Variants in GPC5 observed in about 807,000 individuals in gnomAD.
GPC5 encodes glypican 5.
Under a neutral mutation model 53.9 loss-of-function variants are expected in GPC5, and 47 were observed. That is an observed-to-expected ratio of 0.87 (90% confidence interval 0.69 to 1.11). The LOEUF is 1.11. Ranked by LOEUF, GPC5 falls within the 50% of genes most tolerant of loss-of-function variation. The probability of loss-of-function intolerance (pLI) is 0.00; values close to 1 mark genes in which losing one functional copy is unlikely to be tolerated. For missense variants in GPC5, 748 were observed against 713.1 expected (o/e 1.05, Z -0.56); for synonymous variants, 286 against 263.3 (o/e 1.09, Z -0.84).
chr13:92,268,302 T>C (rs1439539472), intron 7 of GPC5, among the ~76,000 whole-genome samples: 1 of 151,990 alleles, frequency 6.6e-6, no homozygotes, highest in Non-Finnish European at 1.5e-5. Flanking sequence ...ATATATAAAG[T>C]ACAAATTATT....
chr13:91,746,426 C>T (rs1230926085), intron 4 of GPC5, among the ~76,000 whole-genome samples: 1 of 152,000 alleles, frequency 6.6e-6, no homozygotes, highest in African/African-American at 2.4e-5. Context: ...AAATAAGATC[C>T]TTCTTGGATA....
intron 2 of GPC5, among the ~76,000 whole-genome samples, chr13:91,591,146 G>A (rs564250203): frequency 2.0e-5 from 3 of 152,178 alleles, no homozygotes; most frequent in South Asian, 2.1e-4. Flanking sequence ...ATGTTCTTTC[G>A]GTCAACCTTC....
intron 6 of GPC5, among the ~76,000 whole-genome samples, chr13:91,971,381 C>T (rs181822793): frequency 0.014 from 2,167 of 151,888 alleles, 45 homozygotes; most frequent in African/African-American, 0.05. Flanking sequence ...GTCTTGCTAG[C>T]GGTCTATCAA....
intron 2 of GPC5, among the ~76,000 whole-genome samples, chr13:91,663,565 C>T (rs1403946132): frequency 6.6e-6 from 1 of 152,080 alleles, no homozygotes; most frequent in Non-Finnish European, 1.5e-5. Flanking sequence ...TCAAGTGATC[C>T]CCCTGCCTCA....
chr13:92,501,029 C>A (rs1236007600), intron 7 of GPC5, among the ~76,000 whole-genome samples: 1 of 151,964 alleles, frequency 6.6e-6, no homozygotes, highest in African/African-American at 2.4e-5. Flanking sequence ...TAACAAGACC[C>A]AGATTTTCAA....
At chr13:92,286,006 T>C (rs1402759481) in intron 7 of GPC5, among the ~76,000 whole-genome samples, 2 of 151,982 alleles carry the variant, frequency 1.3e-5, no homozygotes, top group Non-Finnish European at 2.9e-5. Context: ...GACAAAGGGC[T>C]AATATCCAGA....
chr13:92,487,974 C>G (rs905645965), intron 7 of GPC5, among the ~76,000 whole-genome samples: 2 of 151,848 alleles, frequency 1.3e-5, no homozygotes, highest in African/African-American at 4.8e-5. Flanking sequence ...GGATGAATTT[C>G]TGTTTCTTGA....
At chr13:92,560,420 C>G (rs897280082) in intron 7 of GPC5, among the ~76,000 whole-genome samples, 2 of 151,930 alleles carry the variant, frequency 1.3e-5, no homozygotes, top group Admixed American at 6.6e-5. Flanking sequence ...TTTCTAGGTC[C>G]CTTTCTGCTT....
Position 91,892,576 on chromosome 13 carries a change from TAAGC to T in GPC5, c.1281-15354_1281-15351del, listed in dbSNP as rs563576529. 4.7e-3 allele frequency among the ~76,000 whole-genome samples: 714 copies of T among 151,832 alleles called. 3 individuals carry two copies. Among genetic ancestry groups the T allele is most frequent in the African/African-American group, 0.017 (692 of 41,552 alleles). On this transcript the variant is annotated intron_variant, in intron 5 of 7. Transcript: ENST00000377067. The stretch of plus-strand genomic sequence containing the variant: ...ACACTAATTTTTAGTGAAAGCCTAC[TAAGC>T]AAGCAATCTTTAACTCTGTTACAAA...
At chr13:92,457,563 C>T (rs759392476) in intron 7 of GPC5, among the ~76,000 whole-genome samples, 5 of 152,128 alleles carry the variant, frequency 3.3e-5, no homozygotes, top group Admixed American at 6.6e-5. Flanking sequence ...ACCCCAGGCT[C>T]ACAGGTTTTG....
At chr13:91,840,043 A>G (rs1275904181) in intron 5 of GPC5, among the ~76,000 whole-genome samples, 2 of 152,094 alleles carry the variant, frequency 1.3e-5, no homozygotes, top group Non-Finnish European at 2.9e-5. Flanking sequence ...GTAATAATTC[A>G]AACTATGTGA....
chr13:92,574,809 G>A (rs995141374), intron 7 of GPC5, among the ~76,000 whole-genome samples: 11 of 152,066 alleles, frequency 7.2e-5, no homozygotes, highest in East Asian at 1.9e-4. Context: ...ATCCCTACTC[G>A]GAAGAATGTT....
chr13:91,578,911 G>A (rs2032241686), intron 2 of GPC5, among the ~76,000 whole-genome samples: 1 of 151,928 alleles, frequency 6.6e-6, no homozygotes, highest in East Asian at 1.9e-4. Flanking sequence ...GCTGGGAGTG[G>A]TGGCATGTGC....
intron 7 of GPC5, among the ~76,000 whole-genome samples, chr13:92,514,627 T>C (rs1176535195): frequency 6.6e-6 from 1 of 152,164 alleles, no homozygotes; most frequent in African/African-American, 2.4e-5. Flanking sequence ...AAGCAGAGAC[T>C]GGGGCCTCCA....
At chr13:92,218,161 C>A (rs2042424619) in intron 7 of GPC5, among the ~76,000 whole-genome samples, 3 of 151,964 alleles carry the variant, frequency 2.0e-5, no homozygotes, top group African/African-American at 7.2e-5. Context: ...CTCCTGGCCT[C>A]AAGCAATCCT....
intron 5 of GPC5, among the ~76,000 whole-genome samples, chr13:91,793,185 CA>C (rs542977011): frequency 3.6e-4 from 55 of 152,098 alleles, no homozygotes; most frequent in African/African-American, 1.3e-3. Context: ...GAAGGGGAGG[CA>C]AACACATTCT....
intron 7 of GPC5, among the ~76,000 whole-genome samples, chr13:92,311,059 A>T (rs1313482866): frequency 6.6e-6 from 1 of 152,178 alleles, no homozygotes; most frequent in African/African-American, 2.4e-5. Flanking sequence ...AATAAAATTG[A>T]AAGATTCACA....
At chr13:92,512,344 G>A (rs1221021034) in intron 7 of GPC5, among the ~76,000 whole-genome samples, 13 of 152,084 alleles carry the variant, frequency 8.5e-5, no homozygotes, top group Non-Finnish European at 1.8e-4. Context: ...AGTGACAAGT[G>A]GGGAGAAGCT....
chr13:92,352,838 A>G (rs1452503994), intron 7 of GPC5, among the ~76,000 whole-genome samples: 1 of 152,218 alleles, frequency 6.6e-6, no homozygotes, highest in Non-Finnish European at 1.5e-5. Flanking sequence ...AAACCCAGCC[A>G]TATTTGGTAT....
Sources: allele counts gnomAD v4.1 joint callset (sites outside exome capture counted in the v4.1 genomes callset), GRCh38; gene constraint gnomAD v4.1.1; transcripts MANE v1.5; gene names NCBI Gene and HGNC (gene_info 2026-07-23, HGNC 2026-07-21).